The following ARL13B variants were observed in gnomAD, a reference collection of about 807,000 sequenced individuals.
ARL13B encodes ADP-ribosylation factor-like protein 13B.
Under a neutral mutation model 56.1 loss-of-function variants are expected in ARL13B, and 36 were observed. That is an observed-to-expected ratio of 0.64 (90% CI 0.49 to 0.85). The LOEUF is 0.85. Ranked by LOEUF, ARL13B falls within the 40% of genes least tolerant of loss-of-function variation. ARL13B has a pLI of 0.00. For synonymous variants in ARL13B, 178 were observed against 171.1 expected, an observed-to-expected ratio of 1.04 and a Z score of -0.32; for missense variants, 519 against 507.1, an observed-to-expected ratio of 1.02 and a Z score of -0.23.
At chr3:93,985,999 CTG>C (rs1168544739) in intron 1 of ARL13B, among the ~76,000 whole-genome samples, 8 of 152,192 alleles carry the variant, frequency 5.3e-5, no homozygotes, top group Non-Finnish European at 1.0e-4. Flanking sequence ...ATAAATATAA[CTG>C]TAAATCTAGA....
rs1051674354 is a variant in ARL13B at position 94,053,072 on chromosome 3, A to T, written c.1211-115A>T. On this transcript the variant is annotated intron_variant, in intron 9 of 9. Coordinates refer to ENST00000394222, the MANE Select transcript of ARL13B (RefSeq NM_001174150.2). ...TAGAGAGGCATGTCAAGATTCTGTA[A>T]GTTTATCTCTTTGGAAATGTCTAAA... The T allele has an allele frequency of 8.4e-5, 70 of 838,214 alleles. 1 individual carries two copies. The highest frequency in any genetic ancestry group is 5.7e-4 in the Middle Eastern group (2 of 3,508). 51.9% of individuals were successfully genotyped at this position (838,214 alleles called of 1,614,324 possible).
intron 6 of ARL13B, among the ~76,000 whole-genome samples, chr3:94,040,580 T>A (rs371759019): frequency 2.6e-5 from 4 of 152,152 alleles, no homozygotes; most frequent in African/African-American, 9.7e-5. Context: ...TTTCTGCTCA[T>A]GTCCAGAGTT....
At chr3:94,028,638 C>T (rs576846015) in intron 3 of ARL13B, 13 of 152,300 alleles carry the variant, frequency 8.5e-5, no homozygotes, top group East Asian at 7.7e-4. Context: ...GCCTGTTAGA[C>T]GCCTATTCTT....
At chr3:94,010,820 C>T (rs1467057942) in intron 3 of ARL13B, among the ~76,000 whole-genome samples, 1 of 151,974 alleles carries the variant, frequency 6.6e-6, no homozygotes, top group Non-Finnish European at 1.5e-5. Context: ...TTTACAAATT[C>T]ATCTGGATAT....
At position 93,980,353 on chromosome 3, in the gene ARL13B, C is replaced by T; in HGVS notation, c.-71C>T. ...AGGGGCGTCTCGGAGTGCCGGAGGC[C>T]CCCGGGGAAGAGCGGGGTGCCGGTG... is the stretch of plus-strand genomic sequence containing the variant. On this transcript the variant is annotated 5_prime_UTR_variant, in exon 1 of 10. Transcript: ENST00000394222. The T allele has an allele frequency of 6.3e-7, 1 of 1,591,778 alleles. No individual in the cohort carries two copies.
At position 94,053,966 on chromosome 3, in the gene ARL13B, C is replaced by T. The variant is rs75280469; in HGVS notation, c.*703C>T. On this transcript the variant is annotated 3_prime_UTR_variant, in exon 10 of 10. Transcript: ENST00000394222. Reference sequence around the variant, plus strand: ...GTAGATTCTCAGATCTTTATTCTAACAATTACATGATTTGAAAACAGTACT... The same window carrying T: ...GTAGATTCTCAGATCTTTATTCTAATAATTACATGATTTGAAAACAGTACT... 2.2e-3 allele frequency: 779 copies of T among 348,842 alleles called. 12 individuals are homozygous for T. In the East Asian group the frequency reaches 0.045, roughly 20 times the overall value. 21.6% of individuals were successfully genotyped at this position (348,842 alleles called of 1,614,324 possible).
intron 3 of ARL13B, among the ~76,000 whole-genome samples, chr3:94,026,122 C>A (rs1291541509): frequency 6.6e-6 from 1 of 151,890 alleles, no homozygotes; most frequent in African/African-American, 2.4e-5. Context: ...CGGGTTCACG[C>A]CATTCTCCTG....
chr3:93,985,154 T>C (rs887339632), intron 1 of ARL13B, among the ~76,000 whole-genome samples: 1 of 152,252 alleles, frequency 6.6e-6, no homozygotes, highest in Non-Finnish European at 1.5e-5. Context: ...TTTTATATTT[T>C]CATTTTTAAC....
In ARL13B at chr3:94,025,605, A is replaced by C. The variant is rs962454982; in HGVS notation, c.381-9726A>C. Among the ~76,000 whole-genome samples the C allele has an allele frequency of 3.3e-5, 5 of 152,160 alleles. No homozygotes were observed. In the South Asian group the frequency reaches 1.0e-3, roughly 31 times the overall value. ...TGAAATTCGTCAGTAGCCTAGCTTC[A>C]TTGGGGAGTTATACAAGAATGCTCT... On this transcript the variant is annotated intron_variant, in intron 3 of 9. Coordinates refer to ENST00000394222, the MANE Select transcript of ARL13B (RefSeq NM_001174150.2).
intron 9 of ARL13B, among the ~76,000 whole-genome samples, chr3:94,052,351 G>C (rs371260728): frequency 1.8e-4 from 27 of 152,110 alleles, no homozygotes; most frequent in African/African-American, 6.5e-4. Flanking sequence ...GCTTACTGTA[G>C]AATATATGAC....
At chr3:94,005,146 T>C (rs1352060953) in intron 3 of ARL13B, among the ~76,000 whole-genome samples, 1 of 152,186 alleles carries the variant, frequency 6.6e-6, no homozygotes, top group African/African-American at 2.4e-5. Flanking sequence ...ATCTTTTCTA[T>C]AATCACAACA....
intron 3 of ARL13B, among the ~76,000 whole-genome samples, chr3:94,027,820 G>A (rs942731400): frequency 1.3e-5 from 2 of 152,004 alleles, no homozygotes; most frequent in African/African-American, 4.8e-5. Flanking sequence ...AGGTTAGTGA[G>A]TACTTCGATA....
intron 6 of ARL13B, among the ~76,000 whole-genome samples, chr3:94,042,543 A>G (rs1408944787): frequency 6.6e-6 from 1 of 152,190 alleles, no homozygotes; most frequent in Admixed American, 6.5e-5. Flanking sequence ...AGCACTTTAT[A>G]TATTCATTGG....
chr3:94,042,264 C>G (rs1332218094), intron 6 of ARL13B, among the ~76,000 whole-genome samples: 1 of 151,956 alleles, frequency 6.6e-6, no homozygotes, highest in Non-Finnish European at 1.5e-5. Flanking sequence ...TTCATTGATT[C>G]ATTTTTTCTG....
At chr3:94,022,130 T>G (rs1295652697) in intron 3 of ARL13B, among the ~76,000 whole-genome samples, 1 of 152,078 alleles carries the variant, frequency 6.6e-6, no homozygotes, top group East Asian at 1.9e-4. Context: ...TTATTTTATT[T>G]TATTTTTTTT....
At chr3:93,989,175 T>C (rs1031464301) in intron 1 of ARL13B, among the ~76,000 whole-genome samples, 5 of 152,252 alleles carry the variant, frequency 3.3e-5, no homozygotes, top group African/African-American at 7.2e-5. Flanking sequence ...TTACATTCTT[T>C]AATATGAACT....
intron 3 of ARL13B, among the ~76,000 whole-genome samples, chr3:94,004,847 C>T (rs955892785): frequency 2.0e-5 from 3 of 151,894 alleles, no homozygotes; most frequent in African/African-American, 7.3e-5. Flanking sequence ...AAGCAATTCT[C>T]ATGTTTTATT....
At chr3:93,996,055 C>A in intron 2 of ARL13B, 111 bp downstream of exon 2, 1 of 1,059,220 alleles carries the variant, frequency 9.4e-7, no homozygotes, top group Non-Finnish European at 1.4e-6. Flanking sequence ...CTGTGCACTG[C>A]ATTACTTTAT....
chr3:94,043,900 C>T (rs1184934465), intron 7 of ARL13B, among the ~76,000 whole-genome samples: 3 of 151,238 alleles, frequency 2.0e-5, no homozygotes, highest in African/African-American at 4.9e-5. Context: ...TTGGGTGATC[C>T]GCCCACCTCG....
Sources: allele counts gnomAD v4.1 joint callset (sites outside exome capture counted in the v4.1 genomes callset), GRCh38; gene constraint gnomAD v4.1.1; transcripts MANE v1.5; gene names NCBI Gene and HGNC (gene_info 2026-07-23, HGNC 2026-07-21).